Variants in MGAT4C observed in about 807,000 individuals in gnomAD.
MGAT4C encodes alpha-1,3-mannosyl-glycoprotein 4-beta-N-acetylglucosaminyltransferase C.
In MGAT4C, 19 loss-of-function variants were observed where a neutral mutation model predicts 40.1. The ratio of observed to expected loss-of-function variants is 0.47; its 90% CI spans 0.33 to 0.70. The LOEUF (loss-of-function observed/expected upper bound fraction) is 0.70. Among genes scored for constraint, MGAT4C ranks in the 30% least tolerant of loss-of-function variants. The pLI, the probability that MGAT4C is intolerant of heterozygous loss-of-function variation, is 0.02. For synonymous variants in MGAT4C, 181 were observed against 187.1 expected (o/e 0.97, Z 0.27); for missense variants, 491 against 563.2 (o/e 0.87, Z 1.30).
At chr12:86,311,977 A>G (rs1954089554) in intron 4 of MGAT4C, among the ~76,000 whole-genome samples, 1 of 152,140 alleles carries the variant, frequency 6.6e-6, no homozygotes, top group East Asian at 1.9e-4. Context: ...ATGAGGCCCC[A>G]TGATTGAGGG....
chr12:86,436,301 G>A (rs1957136496), intron 2 of MGAT4C, among the ~76,000 whole-genome samples: 1 of 151,816 alleles, frequency 6.6e-6, no homozygotes, highest in Non-Finnish European at 1.5e-5. Context: ...ATTTATGATT[G>A]TAGAAATCTC....
chr12:86,138,148 G>T (rs181263556), intron 1 of MGAT4C, among the ~76,000 whole-genome samples: 2 of 151,882 alleles, frequency 1.3e-5, no homozygotes, highest in African/African-American at 4.8e-5. Flanking sequence ...CCTTTATCCT[G>T]CTTGGCTCCT....
chr12:86,361,311 C>T (rs374027367), intron 3 of MGAT4C, among the ~76,000 whole-genome samples: 12 of 152,262 alleles, frequency 7.9e-5, no homozygotes, highest in East Asian at 5.8e-4. Context: ...GGATCCCTTC[C>T]TTACACCTTA....
rs181383350 is a variant in MGAT4C at position 86,111,192 on chromosome 12, T to C, written c.-56-61469A>G. On this transcript the variant is annotated intron_variant, in intron 1 of 4. Transcript: ENST00000611864. Reference sequence around the variant, plus strand: ...TGTCACATCGCACAAGAAATTTTATTACACAGGTATAAAAATATAAATGCA... The same window carrying C: ...TGTCACATCGCACAAGAAATTTTATCACACAGGTATAAAAATATAAATGCA... Among the ~76,000 whole-genome samples, 990 of 151,872 alleles carry C rather than the reference T, an allele frequency of 6.5e-3. 8 individuals carry two copies. Among genetic ancestry groups the C allele is most frequent in the Non-Finnish European group, 9.1e-3 (616 of 67,766 alleles).
At chr12:86,584,256 T>C (rs909832095) in intron 2 of MGAT4C, among the ~76,000 whole-genome samples, 4 of 150,846 alleles carry the variant, frequency 2.7e-5, no homozygotes, top group African/African-American at 7.3e-5. Flanking sequence ...TAGCGCTACA[T>C]TGATGAGTTC....
intron 4 of MGAT4C, among the ~76,000 whole-genome samples, chr12:86,270,197 G>A (rs975210142): frequency 6.6e-6 from 1 of 152,064 alleles, no homozygotes; most frequent in Admixed American, 6.5e-5. Flanking sequence ...CTCCCAAGTA[G>A]CTGGGATTAC....
At position 85,978,418 on chromosome 12, in the gene MGAT4C, T is replaced by G. The variant is rs747428458; in HGVS notation, c.*871A>C. 2.0e-5 allele frequency: 3 copies of G among 151,986 alleles called. No individual in the cohort carries two copies. The highest frequency in any genetic ancestry group is 4.4e-5 in the Non-Finnish European group (3 of 67,658). The allele number at this position is 151,986 out of a possible 1,614,324, so 9.4% of individuals were successfully genotyped here. On this transcript the variant is annotated 3_prime_UTR_variant, in exon 5 of 5. Transcript: ENST00000611864. ...ATATGATAAATCACAATAATTTCAA[T>G]CACATGGATTTTAATACAAAATGTA... is the stretch of plus-strand genomic sequence containing the variant.
At chr12:86,064,855 C>T (rs550284009) in intron 1 of MGAT4C, among the ~76,000 whole-genome samples, 1 of 152,012 alleles carries the variant, frequency 6.6e-6, no homozygotes, top group African/African-American at 2.4e-5. Context: ...CAAATAGATG[C>T]AATAAAAAAA....
chr12:86,143,208 A>G (rs1883076343), intron 1 of MGAT4C, among the ~76,000 whole-genome samples: 1 of 152,186 alleles, frequency 6.6e-6, no homozygotes, highest in Non-Finnish European at 1.5e-5. Flanking sequence ...TTTACCTGGG[A>G]TCCTCCAAAT....
chr12:86,713,792 C>T (rs1228239985), intron 2 of MGAT4C, among the ~76,000 whole-genome samples: 1 of 152,058 alleles, frequency 6.6e-6, no homozygotes, highest in East Asian at 1.9e-4. Flanking sequence ...TTCCAAAGTC[C>T]CATAGCTTGA....
At chr12:86,357,760 A>G (rs1448167780) in intron 3 of MGAT4C, among the ~76,000 whole-genome samples, 2 of 152,158 alleles carry the variant, frequency 1.3e-5, no homozygotes, top group African/African-American at 4.8e-5. Context: ...GAAATGAAGC[A>G]AGAAGAGAAG....
chr12:86,230,700 T>C (rs1282160799), intron 1 of MGAT4C, among the ~76,000 whole-genome samples: 3 of 152,030 alleles, frequency 2.0e-5, no homozygotes, highest in Non-Finnish European at 2.9e-5. Flanking sequence ...TATGTTTATA[T>C]GGGAAAGGAA....
At chr12:86,344,765 T>C (rs1301755686) in intron 3 of MGAT4C, among the ~76,000 whole-genome samples, 2 of 148,410 alleles carry the variant, frequency 1.3e-5, no homozygotes, top group African/African-American at 2.5e-5. Flanking sequence ...TATGTGTGTG[T>C]GTGTGTGTGT....
intron 1 of MGAT4C, among the ~76,000 whole-genome samples, chr12:86,150,189 G>A (rs922565876): frequency 2.6e-5 from 4 of 152,134 alleles, no homozygotes; most frequent in East Asian, 1.9e-4. Flanking sequence ...AGAATCTAAC[G>A]CCCCCGCTGA....
intron 4 of MGAT4C, among the ~76,000 whole-genome samples, chr12:86,288,206 T>C (rs1184790490): frequency 6.6e-6 from 1 of 152,236 alleles, no homozygotes; most frequent in Non-Finnish European, 1.5e-5. Flanking sequence ...TGTTTTTTTC[T>C]TGTAAATTTG....
chr12:86,437,285 T>A (rs1446159213), intron 2 of MGAT4C, among the ~76,000 whole-genome samples: 2 of 151,834 alleles, frequency 1.3e-5, no homozygotes, highest in Non-Finnish European at 2.9e-5. Flanking sequence ...ACAATTTGTA[T>A]TTATATATAC....
intron 1 of MGAT4C, among the ~76,000 whole-genome samples, chr12:86,064,272 C>A (rs11117177): frequency 0.23 from 34,891 of 152,018 alleles, 4,824 homozygotes; most frequent in African/African-American, 0.39. Context: ...CCCAGCTACT[C>A]GGGAGCCTGA....
chr12:86,414,784 T>A (rs1162711753), intron 3 of MGAT4C, among the ~76,000 whole-genome samples: 1 of 152,144 alleles, frequency 6.6e-6, no homozygotes, highest in Non-Finnish European at 1.5e-5. Context: ...AACTGCTTAT[T>A]AATTCAAGCC....
intron 2 of MGAT4C, among the ~76,000 whole-genome samples, chr12:86,617,427 C>T (rs899085683): frequency 6.6e-6 from 1 of 152,076 alleles, no homozygotes; most frequent in Non-Finnish European, 1.5e-5. Context: ...AGTCTCACCA[C>T]TAAAAAACAC....
Sources: allele counts gnomAD v4.1 joint callset (sites outside exome capture counted in the v4.1 genomes callset), GRCh38; gene constraint gnomAD v4.1.1; transcripts MANE v1.5; gene names NCBI Gene and HGNC (gene_info 2026-07-23, HGNC 2026-07-21).